The following TRIM42 variants were observed in gnomAD, a reference collection of about 807,000 sequenced individuals.
TRIM42 encodes the protein tripartite motif containing 42, also known as tripartite motif-containing protein 42.
TRIM42 carries 59 observed loss-of-function variants against 64.9 expected under a neutral mutation model. The ratio of observed to expected loss-of-function variants is 0.91; its 90% CI spans 0.74 to 1.13. The LOEUF (loss-of-function observed/expected upper bound fraction) is 1.13. TRIM42 is among the 50% of genes most tolerant of loss of function. The pLI is 0.00. For synonymous variants in TRIM42, 354 were observed against 346.3 expected (o/e 1.02, Z -0.25); for missense variants, 878 against 929.5 (o/e 0.94, Z 0.72).
At chr3:140,690,000 C>T (rs905014812) in intron 3 of TRIM42, among the ~76,000 whole-genome samples, 8 of 152,022 alleles carry the variant, frequency 5.3e-5, no homozygotes, top group African/African-American at 9.7e-5. Context: ...AAGAGACCTA[C>T]GCAAAACAAC....
At chr3:140,689,868 C>A (rs757114025) in intron 3 of TRIM42, among the ~76,000 whole-genome samples, 46 of 151,244 alleles carry the variant, frequency 3.0e-4, no homozygotes, top group Non-Finnish European at 1.9e-4. Context: ...CCAACTGAGA[C>A]CTCTTGAGAA....
At chr3:140,690,563 A>G (rs1373329969) in intron 3 of TRIM42, among the ~76,000 whole-genome samples, 1 of 66,010 alleles carries the variant, frequency 1.5e-5, no homozygotes. Flanking sequence ...ATATATATAT[A>G]TATATATATA....
At position 140,700,783 on chromosome 3, in the gene TRIM42, G is replaced by A. The variant is rs1988980339; in HGVS notation, c.2086-105G>A. ...CACCAACAGCCACTGTGGTGGTCGT[G>A]AGGAGTTAATGAAATGATGTGTGTA... On this transcript the variant is annotated intron_variant, in intron 4 of 4. Coordinates refer to ENST00000286349, the MANE Select transcript of TRIM42 (RefSeq NM_152616.5). 4.1e-6 allele frequency: 4 copies of A among 980,364 alleles called. No individual in the cohort carries two copies. The East Asian group carries it at 9.9e-5, about 24-fold the overall frequency. The allele number at this position is 980,364 out of a possible 1,614,324, so 60.7% of individuals were successfully genotyped here.
chr3:140,687,278 A>G (rs1988566702), intron 2 of TRIM42, among the ~76,000 whole-genome samples: 1 of 152,202 alleles, frequency 6.6e-6, no homozygotes, highest in African/African-American at 2.4e-5. Context: ...ATGCAAGACA[A>G]CCTTTAGAAG....
chr3:140,678,114 A>C lies in TRIM42; in HGVS notation c.-116A>C, dbSNP rs893344261. Reference sequence around the variant, plus strand: ...TAACAGCCAACTTCTTGCAACTTTCAAGCTGACGGCCTCAGGAATGGGAGG... The same window carrying C: ...TAACAGCCAACTTCTTGCAACTTTCCAGCTGACGGCCTCAGGAATGGGAGG... On this transcript the variant is annotated 5_prime_UTR_variant, in exon 1 of 5. Coordinates refer to ENST00000286349, the MANE Select transcript of TRIM42 (RefSeq NM_152616.5). The C allele has an allele frequency of 7.2e-6, 7 of 975,776 alleles. No individual in the cohort carries two copies. Among genetic ancestry groups the C allele is most frequent in the Admixed American group, 2.2e-5 (1 of 46,122 alleles). 60.4% of individuals were successfully genotyped at this position (975,776 alleles called of 1,614,324 possible).
chr3:140,680,006 A>C (rs1254266370), intron 1 of TRIM42, among the ~76,000 whole-genome samples: 1 of 151,458 alleles, frequency 6.6e-6, no homozygotes, highest in African/African-American at 2.4e-5. Context: ...GCTAGGAGGG[A>C]AGCCAGGAGA....
chr3:140,682,185 T>C (rs1988414517), intron 1 of TRIM42, among the ~76,000 whole-genome samples: 1 of 152,208 alleles, frequency 6.6e-6, no homozygotes, highest in South Asian at 2.1e-4. Context: ...ACTGTACAAG[T>C]ATTAAACTCA....
intron 1 of TRIM42, among the ~76,000 whole-genome samples, chr3:140,680,298 T>C (rs768954753): frequency 1.1e-4 from 16 of 152,078 alleles, no homozygotes; most frequent in Non-Finnish European, 2.1e-4. Context: ...CTGCCTCCCC[T>C]GCTTCTCATC....
chr3:140,696,941 T>A (rs1204367879), intron 4 of TRIM42, among the ~76,000 whole-genome samples: 4 of 152,144 alleles, frequency 2.6e-5, no homozygotes, highest in Non-Finnish European at 5.9e-5. Context: ...ATGAGTGAAA[T>A]TTCTAGGCCA....
intron 3 of TRIM42, among the ~76,000 whole-genome samples, chr3:140,690,115 G>T (rs1988666910): frequency 6.6e-6 from 1 of 152,092 alleles, no homozygotes; most frequent in African/African-American, 2.4e-5. Context: ...TAATGGAATG[G>T]ACTTCATACA....
intron 4 of TRIM42, among the ~76,000 whole-genome samples, chr3:140,697,071 T>C (rs1403701211): frequency 6.6e-6 from 1 of 152,240 alleles, no homozygotes; most frequent in African/African-American, 2.4e-5. Context: ...ATTATTTTGC[T>C]AGCCCAATAG....
chr3:140,693,974 C>G (rs1353128015), intron 4 of TRIM42, among the ~76,000 whole-genome samples: 1 of 152,102 alleles, frequency 6.6e-6, no homozygotes, highest in East Asian at 1.9e-4. Context: ...AAAAATGAGG[C>G]TGTAAGAAGC....
chr3:140,683,209 T>C (rs760732456), intron 2 of TRIM42, 50 bp downstream of exon 2: 3 of 1,581,420 alleles, frequency 1.9e-6, no homozygotes, highest in South Asian at 2.2e-5. Flanking sequence ...CAGGAACACA[T>C]GGGGAAGATG....
rs1231116909 is a variant in TRIM42 at position 140,683,117 on chromosome 3, A to G, written c.997A>G (p.Arg333Gly). Residue 333 changes from arginine to glycine, a missense_variant, in exon 2 of 5, where the codon AGG becomes GGG. Arg to Gly is a moderately radical substitution (Grantham distance 125). Transcript: ENST00000286349. ...TISLIDACSE[R>G]AASLFSAIAK... is the part of the protein sequence containing the mutation. ...TAGCCTCATCGACGCCTGCTCCGAG[A>G]GGGCCGCCTCACTCTTCAGCGCCAT... 1 of 1,614,160 alleles carries G rather than the reference A, an allele frequency of 6.2e-7. No homozygotes were observed. Among genetic ancestry groups the G allele is most frequent in the Non-Finnish European group, 8.5e-7 (1 of 1,180,026 alleles).
intron 4 of TRIM42, among the ~76,000 whole-genome samples, chr3:140,700,199 C>G (rs893645882): frequency 2.0e-5 from 3 of 152,192 alleles, no homozygotes; most frequent in Non-Finnish European, 4.4e-5. Context: ...TCTAAGCTAA[C>G]TTGGTGAGAT....
rs1336831606 is a variant in TRIM42, at chr3:140,678,556, G to C, written c.327G>C (p.Arg109Ser). 1.2e-6 allele frequency: 2 copies of C among 1,613,302 alleles called. No individual in the cohort carries two copies. The highest frequency in any genetic ancestry group is 1.7e-6 in the Non-Finnish European group (2 of 1,179,614). The change falls in exon 1 of 5, where the codon AGG (arginine) becomes AGC (serine). Residue 109 changes from arginine (R) to serine (S), a missense_variant. By Grantham distance (110) the Arg-to-Ser change is moderately radical (BLOSUM62 -1). Transcript: ENST00000286349. ...TCACTTTCCACAAGGGCCGCCTCAGGAGCATCCATACCTCGTAAGTGCCAG... is the reference window on the plus strand; with the variant it reads ...TCACTTTCCACAAGGGCCGCCTCAGCAGCATCCATACCTCGTAAGTGCCAG... ...TIITFHKGRL[R>S]SIHTSSKTAL... is the part of the protein sequence containing the mutation.
chr3:140,688,504 G>T lies in TRIM42; in HGVS notation c.1822G>T (p.Val608Phe). 6.2e-7 allele frequency: 1 copy of T among 1,613,702 alleles called. No homozygotes were observed. The highest frequency in any genetic ancestry group is 8.5e-7 in the Non-Finnish European group (1 of 1,179,744). Reference sequence around the variant, plus strand: ...CTCTGTGAAGACCCCAGGCCCAATTGTTATCTACCAGACTCTGGTGTACCC... The same window carrying T: ...CTCTGTGAAGACCCCAGGCCCAATTTTTATCTACCAGACTCTGGTGTACCC... ...DGSVKTPGPI[V>F]IYQTLVYPRA... The change falls in exon 3 of 5, where the codon GTT (valine) becomes TTT (phenylalanine). Residue 608 changes from valine to phenylalanine, a missense_variant. Val to Phe is a conservative substitution (Grantham distance 50). Transcript: ENST00000286349.
intron 3 of TRIM42, among the ~76,000 whole-genome samples, chr3:140,689,813 G>A (rs1988660682): frequency 6.6e-6 from 1 of 150,718 alleles, no homozygotes; most frequent in Non-Finnish European, 1.5e-5. Context: ...GGCCTATCGT[G>A]TATGCTTATT....
rs143917166 is a variant in TRIM42, at chr3:140,682,693, C to A, written c.573C>A (p.Cys191Ter). Reference sequence around the variant, plus strand: ...TCTTCATCCTCATCTGCCCAGTGTGCGACCGCTCGCACTGCATGCCCTACA... The same window carrying A: ...TCTTCATCCTCATCTGCCCAGTGTGAGACCGCTCGCACTGCATGCCCTACA... ...ENFFILICPV[C>*]DRSHCMPYSN... Residue 191 changes from cysteine (C) to a stop codon, truncating the protein, a stop_gained, in exon 2 of 5, where the codon TGC (cysteine) becomes TGA (stop). Coordinates refer to ENST00000286349, the MANE Select transcript of TRIM42 (RefSeq NM_152616.5). LOFTEE classifies it high-confidence loss of function. 1.9e-6 allele frequency: 3 copies of A among 1,612,678 alleles called. No homozygotes were observed. Among genetic ancestry groups the A allele is most frequent in the Non-Finnish European group, 2.5e-6 (3 of 1,180,014 alleles).
Sources: allele counts gnomAD v4.1 joint callset (sites outside exome capture counted in the v4.1 genomes callset), GRCh38; gene constraint gnomAD v4.1.1; transcripts MANE v1.5; gene names NCBI Gene and HGNC (gene_info 2026-07-23, HGNC 2026-07-21).